MYOF: variants seen among roughly 807,000 people sequenced by gnomAD.
The protein encoded by MYOF is fer-1-like 3, myoferlin.
In MYOF, 244 loss-of-function variants were observed where a neutral mutation model predicts 284.2. That is an observed-to-expected ratio of 0.86 (90% CI 0.77 to 0.95). The LOEUF (loss-of-function observed/expected upper bound fraction) is 0.95, where lower values mean the gene tolerates loss of function less well. Ranked by LOEUF, MYOF falls within the 40% of genes least tolerant of loss-of-function variation. MYOF has a pLI of 0.00. For missense variants in MYOF, 2,496 were observed against 2,560.6 expected, an observed-to-expected ratio of 0.97 and a Z score of 0.54; for synonymous variants, 904 against 919.7, an observed-to-expected ratio of 0.98 and a Z score of 0.31.
At chr10:93,386,642 T>C (rs1846378848) in intron 19 of MYOF, among the ~76,000 whole-genome samples, 1 of 152,174 alleles carries the variant, frequency 6.6e-6, no homozygotes, top group African/African-American at 2.4e-5. Context: ...GGACCACAGA[T>C]GTTCCCAACA....
At chr10:93,475,277 A>G (rs1332628501) in intron 1 of MYOF, among the ~76,000 whole-genome samples, 1 of 152,224 alleles carries the variant, frequency 6.6e-6, no homozygotes, top group Non-Finnish European at 1.5e-5. Flanking sequence ...TTCAATAGAA[A>G]TTACACAGTG....
chr10:93,382,805 C>A (rs540052090), intron 19 of MYOF, among the ~76,000 whole-genome samples: 76 of 152,358 alleles, frequency 5.0e-4, no homozygotes, highest in Non-Finnish European at 9.1e-4. Flanking sequence ...TTCTGCCATG[C>A]AATACGATCC....
chr10:93,407,522 A>C (rs1223325792), intron 7 of MYOF, among the ~76,000 whole-genome samples: 2 of 148,698 alleles, frequency 1.3e-5, no homozygotes, highest in African/African-American at 4.9e-5. Flanking sequence ...CGAGGTCAAG[A>C]GATCGAGACC....
intron 23 of MYOF, among the ~76,000 whole-genome samples, chr10:93,373,961 T>A (rs963375410): frequency 6.6e-6 from 1 of 152,206 alleles, no homozygotes; most frequent in African/African-American, 2.4e-5. Flanking sequence ...GCTGCACCCA[T>A]CAACTCATCA....
At position 93,319,969 on chromosome 10, in the gene MYOF, T is replaced by A. The variant is rs553003145; in HGVS notation, c.5501A>T (p.His1834Leu). 2.5e-6 allele frequency: 4 copies of A among 1,614,190 alleles called. No individual in the cohort carries two copies. In the South Asian group the frequency reaches 4.4e-5, roughly 18 times the overall value. Residue 1834 changes from histidine (H) to leucine (L), a missense_variant, in exon 49 of 54, where the codon CAT (histidine) becomes CTT (leucine). Physicochemically the swap from His to Leu is moderately conservative, Grantham distance 99 (BLOSUM62 -3). This residue lies in a region of MYOF where 2,436 missense variants were observed against 2,480.7 expected (regional missense o/e 0.98). Transcript: ENST00000359263. ...NEENKQKTDV[H>L]YRSLDGEGNF... is the part of the protein sequence containing the mutation. ...CCCTTCACCATCCAAAGATCTGTAATGGACATCTGTTTTCTGTTTGTTTTC... is the reference window on the plus strand; with the variant it reads ...CCCTTCACCATCCAAAGATCTGTAAAGGACATCTGTTTTCTGTTTGTTTTC...
At chr10:93,418,160 G>A (rs115268076) in intron 5 of MYOF, among the ~76,000 whole-genome samples, 2,065 of 152,206 alleles carry the variant, frequency 0.014, 51 homozygotes, top group African/African-American at 0.045. Context: ...GGTGGTACTG[G>A]TTAAGCCAGA....
chr10:93,429,729 T>C (rs914066823), intron 4 of MYOF, among the ~76,000 whole-genome samples: 6 of 152,140 alleles, frequency 3.9e-5, no homozygotes, highest in African/African-American at 1.4e-4. Flanking sequence ...TTCTCTCCCT[T>C]TGCCCAGGCT....
intron 7 of MYOF, 38 bp downstream of exon 7, chr10:93,408,749 G>A: frequency 1.9e-6 from 3 of 1,613,194 alleles, no homozygotes; most frequent in Non-Finnish European, 2.5e-6. Context: ...TCCCCAGTGG[G>A]ACTCATGAGC....
chr10:93,412,391 G>A (rs1037892408), intron 5 of MYOF, among the ~76,000 whole-genome samples: 1 of 152,122 alleles, frequency 6.6e-6, no homozygotes, highest in Non-Finnish European at 1.5e-5. Context: ...CAAAAGAAGG[G>A]CTTACCTGCT....
intron 1 of MYOF, among the ~76,000 whole-genome samples, chr10:93,467,703 G>A (rs952315607): frequency 3.3e-5 from 5 of 152,234 alleles, no homozygotes; most frequent in African/African-American, 1.2e-4. Flanking sequence ...TATTCACAAT[G>A]GCAAAGACTT....
intron 3 of MYOF, among the ~76,000 whole-genome samples, chr10:93,435,881 G>T (rs1372397028): frequency 6.6e-6 from 1 of 151,126 alleles, no homozygotes; most frequent in Non-Finnish European, 1.5e-5. Flanking sequence ...TTCAGCCTGG[G>T]CAACAGAGCA....
chr10:93,452,874 C>T (rs539796080), intron 2 of MYOF, among the ~76,000 whole-genome samples: 1 of 152,098 alleles, frequency 6.6e-6, no homozygotes, highest in African/African-American at 2.4e-5. Flanking sequence ...ATTTTAAGTT[C>T]CACCATGGTC....
Position 93,426,100 on chromosome 10 carries a change from AG to A in MYOF, c.403del (p.Leu135Ter). ...DPPSAPHPND[L>X]SGPSVPGMGG... ...CATGCCTGGCACGCTGGGCCCGCTC[AG>A]GTCATTTGGATGTGGAGCAGAAGGC... On this transcript the variant is annotated frameshift_variant, in exon 5 of 54. Coordinates refer to ENST00000359263, the MANE Select transcript of MYOF (RefSeq NM_013451.4). LOFTEE classifies it high-confidence loss of function. 1.3e-6 allele frequency: 2 copies of A among 1,560,476 alleles called. No individual in the cohort carries two copies. Among genetic ancestry groups the A allele is most frequent in the Non-Finnish European group, 8.7e-7 (1 of 1,151,322 alleles).
chr10:93,310,153 G>C lies in MYOF; in HGVS notation c.6014C>G (p.Ser2005Cys), dbSNP rs980903216. The change falls in exon 53 of 54, where the codon TCC becomes TGC. Residue 2005 changes from serine to cysteine, a missense_variant. This residue lies in a region of MYOF where 2,436 missense variants were observed against 2,480.7 expected (regional missense o/e 0.98). Coordinates refer to ENST00000359263, the MANE Select transcript of MYOF (RefSeq NM_013451.4). ...GCATGGGTTGGTGAACCAGAGGAAG[G>C]AGGTTTCTGGTCGACTGCATTGCAA... is the stretch of plus-strand genomic sequence containing the variant. ...KLDLPNRPET[S>C]FLWFTNPCKT... 6.2e-7 allele frequency: 1 copy of C among 1,614,112 alleles called. No homozygotes were observed. The highest frequency in any genetic ancestry group is 1.7e-5 in the Admixed American group (1 of 60,014).
At chr10:93,322,443 C>A (rs368353973) in intron 48 of MYOF, among the ~76,000 whole-genome samples, 2 of 152,138 alleles carry the variant, frequency 1.3e-5, no homozygotes, top group Non-Finnish European at 2.9e-5. Context: ...AGGGAAAGCA[C>A]CAGAATGTAG....
At chr10:93,368,595 G>A (rs1845431676) in intron 25 of MYOF, among the ~76,000 whole-genome samples, 1 of 152,188 alleles carries the variant, frequency 6.6e-6, no homozygotes, top group Non-Finnish European at 1.5e-5. Flanking sequence ...GGAATGAATG[G>A]TTGGGTGGAC....
At chr10:93,449,062 C>T (rs1279346716) in intron 3 of MYOF, among the ~76,000 whole-genome samples, 2 of 152,038 alleles carry the variant, frequency 1.3e-5, no homozygotes, top group Non-Finnish European at 2.9e-5. Flanking sequence ...TGAAACCATC[C>T]TGTCCAATAT....
chr10:93,415,879 C>T (rs1397266710), intron 5 of MYOF, among the ~76,000 whole-genome samples: 1 of 152,176 alleles, frequency 6.6e-6, no homozygotes, highest in Admixed American at 6.5e-5. Context: ...CTTTCATTGA[C>T]TCCACGGTGC....
intron 5 of MYOF, among the ~76,000 whole-genome samples, chr10:93,420,150 C>T (rs1014533197): frequency 3.3e-5 from 5 of 152,086 alleles, no homozygotes; most frequent in Admixed American, 2.6e-4. Context: ...CTTTGGGATT[C>T]GTGGAATGAA....
Sources: gnomAD v4.1 joint callset for allele counts (sites outside exome capture counted in the v4.1 genomes callset) on GRCh38, gnomAD v4.1.1 for gene constraint, gnomAD v4.1.1 regional missense constraint, MANE v1.5 for transcripts, NCBI Gene and HGNC (gene_info 2026-07-23, HGNC 2026-07-21) for gene names.